ZCCHC17: variants seen among roughly 807,000 people sequenced by gnomAD.
The protein encoded by ZCCHC17 is zinc finger CCHC domain-containing protein 17.
Under a neutral mutation model 30.6 loss-of-function variants are expected in ZCCHC17, and 18 were observed. The observed-to-expected ratio is 0.59, with a 90% CI of 0.41 to 0.87. The LOEUF is 0.87. Among genes scored for constraint, ZCCHC17 ranks in the 40% least tolerant of loss-of-function variants. The pLI, the probability that ZCCHC17 is intolerant of heterozygous loss-of-function variation, is 0.00. For missense variants in ZCCHC17, 263 were observed against 284.2 expected (o/e 0.93, Z 0.54); for synonymous variants, 88 against 92.4 (o/e 0.95, Z 0.27).
At chr1:31,359,855 T>A (rs1236851687) in intron 7 of ZCCHC17, among the ~76,000 whole-genome samples, 1 of 152,230 alleles carries the variant, frequency 6.6e-6, no homozygotes, top group African/African-American at 2.4e-5. Context: ...CCATGTCATT[T>A]TTTTTTAACC....
At chr1:31,340,741 A>G (rs1162440219) in intron 5 of ZCCHC17, among the ~76,000 whole-genome samples, 1 of 152,190 alleles carries the variant, frequency 6.6e-6, no homozygotes, top group African/African-American at 2.4e-5. Context: ...TGTTTGTCTT[A>G]TGTTAATTAG....
intron 3 of ZCCHC17, among the ~76,000 whole-genome samples, chr1:31,329,096 TTAAAA>T (rs1313107415): frequency 6.6e-6 from 1 of 152,200 alleles, no homozygotes; most frequent in African/African-American, 2.4e-5. Context: ...TGTCACCTCA[TTAAAA>T]TAAACTCAGG....
chr1:31,310,022 G>A (rs1030229485), intron 1 of ZCCHC17, 22 bp from the exon 2 acceptor site: 1 of 1,381,988 alleles, frequency 7.2e-7, no homozygotes, highest in Non-Finnish European at 1.0e-6. Flanking sequence ...TCTCTAATTG[G>A]TGTCTGATTT....
intron 2 of ZCCHC17, 114 bp from the exon 3 acceptor site, chr1:31,318,995 T>G: frequency 8.0e-7 from 1 of 1,249,432 alleles, no homozygotes; most frequent in Non-Finnish European, 1.1e-6. Context: ...TAGGCAGTTT[T>G]ATAGCATACA....
intron 7 of ZCCHC17, among the ~76,000 whole-genome samples, chr1:31,359,023 C>A (rs7551345): frequency 0.24 from 36,345 of 151,938 alleles, 5,084 homozygotes; most frequent in African/African-American, 0.38. Flanking sequence ...GGTAGAAATA[C>A]CATGAATGTG....
At chr1:31,304,854 C>T (rs1032263911) in intron 1 of ZCCHC17, among the ~76,000 whole-genome samples, 1 of 152,070 alleles carries the variant, frequency 6.6e-6, no homozygotes, top group Non-Finnish European at 1.5e-5. Context: ...CTCAGCCTCC[C>T]AAAGTGCTGG....
chr1:31,355,702 A>G (rs1318720893), intron 7 of ZCCHC17, among the ~76,000 whole-genome samples: 7 of 152,220 alleles, frequency 4.6e-5, no homozygotes, highest in Non-Finnish European at 1.0e-4. Context: ...TGTGTTAGGT[A>G]CTTGACATAT....
chr1:31,356,095 C>G (rs529481933), intron 7 of ZCCHC17, among the ~76,000 whole-genome samples: 124 of 152,252 alleles, frequency 8.1e-4, no homozygotes, highest in African/African-American at 2.8e-3. Flanking sequence ...GATAGTAACT[C>G]ATGTAAGTTC....
At chr1:31,336,012 A>AT (rs775601557) in intron 3 of ZCCHC17, among the ~76,000 whole-genome samples, 39 of 151,928 alleles carry the variant, frequency 2.6e-4, no homozygotes, top group Non-Finnish European at 5.0e-4. Flanking sequence ...GTTCTTATAT[A>AT]TTTTTTAACC....
At chr1:31,306,354 G>A (rs1295363600) in intron 1 of ZCCHC17, among the ~76,000 whole-genome samples, 2 of 152,176 alleles carry the variant, frequency 1.3e-5, no homozygotes, top group Admixed American at 6.5e-5. Context: ...TCAACAGTCA[G>A]TCTGATAACC....
chr1:31,338,134 C>CTT (rs745793056), intron 4 of ZCCHC17, among the ~76,000 whole-genome samples: 23 of 126,336 alleles, frequency 1.8e-4, no homozygotes, highest in East Asian at 1.7e-3. Context: ...TAAACCTGGC[C>CTT]TTTTTTTTTT....
intron 4 of ZCCHC17, among the ~76,000 whole-genome samples, chr1:31,338,641 C>G (rs1233326629): frequency 6.6e-6 from 1 of 152,224 alleles, no homozygotes; most frequent in Non-Finnish European, 1.5e-5. Context: ...GATATCTCAA[C>G]AAATCACTAT....
chr1:31,348,743 C>A, intron 6 of ZCCHC17, 86 bp from the exon 7 acceptor site: 1 of 1,522,246 alleles, frequency 6.6e-7, no homozygotes, highest in South Asian at 1.1e-5. Flanking sequence ...CCAGCTAGCC[C>A]ATTTCAGGAG....
At chr1:31,347,378 C>T (rs3766295) in intron 6 of ZCCHC17, among the ~76,000 whole-genome samples, 3 of 152,168 alleles carry the variant, frequency 2.0e-5, no homozygotes, top group Non-Finnish European at 2.9e-5. Flanking sequence ...AGTCTTCCGT[C>T]TACCCTACTG....
intron 7 of ZCCHC17, among the ~76,000 whole-genome samples, chr1:31,362,217 A>G (rs2148488010): frequency 6.6e-6 from 1 of 152,362 alleles, no homozygotes; most frequent in African/African-American, 2.4e-5. Flanking sequence ...GCCAGAACTC[A>G]GGTCCAGGTC....
chr1:31,309,286 G>T (rs930957980), intron 1 of ZCCHC17, among the ~76,000 whole-genome samples: 2 of 152,166 alleles, frequency 1.3e-5, no homozygotes, highest in East Asian at 1.9e-4. Flanking sequence ...TAATATAATA[G>T]TAATAGAACT....
chr1:31,354,315 G>A (rs183894808), intron 7 of ZCCHC17, among the ~76,000 whole-genome samples: 6 of 152,026 alleles, frequency 3.9e-5, no homozygotes, highest in Admixed American at 6.5e-5. Flanking sequence ...TCACTTACTC[G>A]TTCTAACAGG....
In ZCCHC17 at chr1:31,329,855, A is replaced by C. The variant is rs75892966; in HGVS notation, c.125-7320A>C. On this transcript the variant is annotated intron_variant, in intron 3 of 7. Transcript: ENST00000344147. ...GAAATGGGAATGATGTGCATATTTT[A>C]GGGTCTTGAGTTTTTTTGACTGGGA... Among the ~76,000 whole-genome samples the C allele has an allele frequency of 2.3e-4, 35 of 152,310 alleles. No homozygotes were observed. In the East Asian group the frequency reaches 6.0e-3, roughly 26 times the overall value.
chr1:31,352,186 T>C (rs969576974), intron 7 of ZCCHC17, among the ~76,000 whole-genome samples: 1 of 152,204 alleles, frequency 6.6e-6, no homozygotes, highest in Non-Finnish European at 1.5e-5. Flanking sequence ...AAAATACACA[T>C]AACATAAAAT....
Sources: allele counts gnomAD v4.1 joint callset (sites outside exome capture counted in the v4.1 genomes callset), GRCh38; gene constraint gnomAD v4.1.1; transcripts MANE v1.5; gene names NCBI Gene and HGNC (gene_info 2026-07-23, HGNC 2026-07-21).